Variants in CSMD1 observed in about 807,000 individuals in gnomAD.
CSMD1 encodes the protein CUB and sushi domain-containing protein 1.
In CSMD1, 213 loss-of-function variants were observed where a neutral mutation model predicts 417.5. The ratio of observed to expected loss-of-function variants is 0.51; its 90% confidence interval spans 0.46 to 0.57. The LOEUF (loss-of-function observed/expected upper bound fraction) is 0.57, where lower values mean the gene tolerates loss of function less well. CSMD1 is among the 20% of genes least tolerant of loss of function. The pLI, the probability that CSMD1 is intolerant of heterozygous loss-of-function variation, is 0.00. For synonymous variants in CSMD1, 2,862 were observed against 1,736.8 expected, an observed-to-expected ratio of 1.65 and a Z score of -16.11; for missense variants, 6,923 against 4,529.7, an observed-to-expected ratio of 1.53 and a Z score of -15.17.
chr8:3,250,431 G>A (rs993741051), intron 26 of CSMD1, among the ~76,000 whole-genome samples: 3 of 152,188 alleles, frequency 2.0e-5, no homozygotes, highest in African/African-American at 7.2e-5. Flanking sequence ...GTATATATGT[G>A]CCACATTTTC....
Position 4,368,069 on chromosome 8 carries a change from C to T in CSMD1, c.415+51884G>A, listed in dbSNP as rs79992226. Among the ~76,000 whole-genome samples the T allele has an allele frequency of 3.3e-3, 506 of 152,186 alleles. 4 individuals are homozygous for T. The highest frequency in any genetic ancestry group is 0.011 in the African/African-American group (452 of 41,534). Reference sequence around the variant, plus strand: ...ACTATGTTGAATAGTGGTCAAAGTGCGCATCCTTGTCTCATTCCTGTTCTC... The same window carrying T: ...ACTATGTTGAATAGTGGTCAAAGTGTGCATCCTTGTCTCATTCCTGTTCTC... On this transcript the variant is annotated intron_variant, in intron 3 of 69. Transcript: ENST00000635120.
At chr8:3,771,106 G>C (rs79625483) in intron 5 of CSMD1, among the ~76,000 whole-genome samples, 3,494 of 152,052 alleles carry the variant, frequency 0.023, 129 homozygotes, top group African/African-American at 0.079. Flanking sequence ...TCAGGATCTT[G>C]AAAAACTGTA....
chr8:3,274,948 T>C (rs868856413), intron 26 of CSMD1, among the ~76,000 whole-genome samples: 33 of 152,316 alleles, frequency 2.2e-4, no homozygotes, highest in Middle Eastern at 6.8e-3. Context: ...AATATTGTTA[T>C]GTGTGAATTT....
intron 12 of CSMD1, among the ~76,000 whole-genome samples, chr8:3,444,528 G>A (rs956067331): frequency 5.9e-5 from 9 of 152,114 alleles, no homozygotes; most frequent in Non-Finnish European, 1.3e-4. Context: ...ATTTGGCAAT[G>A]TCTGGAGGCA....
chr8:4,300,673 A>ATC lies in CSMD1; in HGVS notation c.415+119278_415+119279dup, dbSNP rs1019251341. ...AGCATTAGGTATATCTCCTAATGCT[A>ATC]TCTCTCCACACTCTCCCAACCCCAC... On this transcript the variant is annotated intron_variant, in intron 3 of 69. Coordinates refer to ENST00000635120, the MANE Select transcript of CSMD1 (RefSeq NM_033225.6). Among the ~76,000 whole-genome samples, 670 of 152,224 alleles carry ATC rather than the reference A, an allele frequency of 4.4e-3. 3 individuals are homozygous for ATC. The highest frequency in any genetic ancestry group is 0.015 in the African/African-American group (638 of 41,532).
chr8:4,027,405 G>A (rs558773987), intron 4 of CSMD1, among the ~76,000 whole-genome samples: 2 of 152,148 alleles, frequency 1.3e-5, no homozygotes, highest in African/African-American at 2.4e-5. Flanking sequence ...AGTTGGGGAG[G>A]CACATTGTGG....
intron 26 of CSMD1, among the ~76,000 whole-genome samples, chr8:3,275,261 C>G (rs1430225966): frequency 3.3e-5 from 5 of 152,200 alleles, no homozygotes; most frequent in Non-Finnish European, 7.3e-5. Context: ...TTGGCCACCG[C>G]TCTCTTCTGG....
chr8:4,270,970 G>T (rs748032513), intron 3 of CSMD1, among the ~76,000 whole-genome samples: 1 of 152,150 alleles, frequency 6.6e-6, no homozygotes, highest in Admixed American at 6.5e-5. Flanking sequence ...CTGTCACCGC[G>T]TTCACTCTTT....
chr8:4,449,369 G>C (rs765193242), intron 2 of CSMD1, among the ~76,000 whole-genome samples: 3 of 152,120 alleles, frequency 2.0e-5, no homozygotes, highest in Non-Finnish European at 4.4e-5. Flanking sequence ...TTTCCAGAAT[G>C]ATTCTGGTGT....
intron 7 of CSMD1, among the ~76,000 whole-genome samples, chr8:3,683,867 G>A (rs1053993772): frequency 6.6e-6 from 1 of 151,908 alleles, no homozygotes; most frequent in South Asian, 2.1e-4. Context: ...TGTTAAGCTC[G>A]CAGTTTGCTT....
intron 3 of CSMD1, among the ~76,000 whole-genome samples, chr8:4,136,503 C>G (rs913715426): frequency 6.6e-6 from 1 of 152,186 alleles, no homozygotes; most frequent in African/African-American, 2.4e-5. Flanking sequence ...ATATTACTGT[C>G]CACTACAGCA....
intron 25 of CSMD1, among the ~76,000 whole-genome samples, chr8:3,302,346 C>A (rs1191922666): frequency 6.6e-6 from 1 of 152,160 alleles, no homozygotes; most frequent in Admixed American, 6.5e-5. Context: ...ATCACAGCAT[C>A]TCCTCCCTTA....
chr8:4,475,954 T>A (rs1362283145), intron 2 of CSMD1, among the ~76,000 whole-genome samples: 1 of 152,182 alleles, frequency 6.6e-6, no homozygotes. Flanking sequence ...TTGGTTTCAT[T>A]TTGTTGTCTG....
At chr8:3,669,110 A>G (rs571397077) in intron 7 of CSMD1, among the ~76,000 whole-genome samples, 3 of 152,360 alleles carry the variant, frequency 2.0e-5, no homozygotes, top group East Asian at 3.9e-4. Context: ...AACGTACAGA[A>G]AAATTAGTTA....
intron 3 of CSMD1, among the ~76,000 whole-genome samples, chr8:4,201,010 G>C (rs1799613857): frequency 6.6e-6 from 1 of 152,134 alleles, no homozygotes; most frequent in Admixed American, 6.5e-5. Context: ...TCATATCAGT[G>C]TGGAAGGCAT....
intron 8 of CSMD1, among the ~76,000 whole-genome samples, chr8:3,615,766 T>C (rs1802106896): frequency 2.0e-5 from 3 of 152,190 alleles, no homozygotes; most frequent in African/African-American, 7.2e-5. Context: ...TTTTGGATTT[T>C]TTTCAAAAAT....
intron 2 of CSMD1, among the ~76,000 whole-genome samples, chr8:4,516,850 A>AT (rs561595754): frequency 4.0e-5 from 6 of 151,848 alleles, no homozygotes; most frequent in Admixed American, 6.6e-5. Context: ...GATATAGCCA[A>AT]TTTTTTTTCT....
chr8:4,561,058 A>T (rs535357569), intron 2 of CSMD1, among the ~76,000 whole-genome samples: 1 of 152,226 alleles, frequency 6.6e-6, no homozygotes, highest in East Asian at 1.9e-4. Context: ...ACAAATGATA[A>T]CAATAAAATG....
intron 12 of CSMD1, among the ~76,000 whole-genome samples, chr8:3,424,302 ATTAAT>A (rs1813683360): frequency 6.6e-6 from 1 of 152,172 alleles, no homozygotes; most frequent in Non-Finnish European, 1.5e-5. Context: ...AGTTTAGTCT[ATTAAT>A]TTTGAGTACA....
Sources: allele counts gnomAD v4.1 joint callset (sites outside exome capture counted in the v4.1 genomes callset), GRCh38; gene constraint gnomAD v4.1.1; transcripts MANE v1.5; gene names NCBI Gene and HGNC (gene_info 2026-07-23, HGNC 2026-07-21).